The following ARMC2 variants were observed in gnomAD, a reference collection of about 807,000 sequenced individuals.
ARMC2 encodes the protein armadillo repeat containing 2, also known as armadillo repeat-containing protein 2.
ARMC2 carries 67 observed loss-of-function variants against 90.3 expected under a neutral mutation model. The observed-to-expected ratio is 0.74, with a 90% CI of 0.61 to 0.91. ARMC2 has a LOEUF of 0.91. Ranked by LOEUF, ARMC2 falls within the 40% of genes least tolerant of loss-of-function variation. The pLI is 0.00. For synonymous variants in ARMC2, 393 were observed against 393.0 expected (o/e 1.00, Z 0.00); for missense variants, 920 against 1,030.9 (o/e 0.89, Z 1.47).
At chr6:108,895,157 A>G (rs1029977644) in intron 6 of ARMC2, among the ~76,000 whole-genome samples, 1 of 151,124 alleles carries the variant, frequency 6.6e-6, no homozygotes, top group Non-Finnish European at 1.5e-5. Context: ...CTTGGGTTCA[A>G]AGCTTGAGTT....
intron 5 of ARMC2, among the ~76,000 whole-genome samples, chr6:108,885,588 C>T (rs9384692): frequency 0.033 from 4,933 of 151,558 alleles, 217 homozygotes; most frequent in East Asian, 0.2. Flanking sequence ...GCAGGAGAAT[C>T]GCTTGAACCC....
intron 8 of ARMC2, chr6:108,907,859 A>G (rs1338930827): frequency 2.5e-6 from 4 of 1,610,924 alleles, no homozygotes; most frequent in Admixed American, 1.7e-5. Flanking sequence ...CTTCACTGGT[A>G]CAACTGACGC....
chr6:109,019,993 T>C, the ARMC2 span, among the ~76,000 whole-genome samples: 1 of 152,134 alleles, frequency 6.6e-6, no homozygotes, highest in Non-Finnish European at 1.5e-5. Flanking sequence ...CAGAAAAAAG[T>C]ATGTGGATCA....
At chr6:108,855,570 G>A (rs1311466038) in intron 2 of ARMC2, among the ~76,000 whole-genome samples, 1 of 152,186 alleles carries the variant, frequency 6.6e-6, no homozygotes. Flanking sequence ...ACTCCTTTGG[G>A]TAAACACCAA....
chr6:108,855,317 C>G (rs903555217), intron 2 of ARMC2, among the ~76,000 whole-genome samples: 1 of 149,900 alleles, frequency 6.7e-6, no homozygotes, highest in African/African-American at 2.5e-5. Context: ...GGCACGATCT[C>G]AGCTCACTGC....
chr6:108,882,516 G>T (rs1275595763), intron 5 of ARMC2, among the ~76,000 whole-genome samples: 1 of 151,548 alleles, frequency 6.6e-6, no homozygotes, highest in East Asian at 1.9e-4. Context: ...CCCATATAAG[G>T]AGATGAAAAA....
chr6:108,971,527 C>T lies in ARMC2; in HGVS notation c.2447-1830C>T, dbSNP rs75571922. On this transcript the variant is annotated intron_variant, in intron 17 of 17. Transcript: ENST00000392644. ...GGTGGTGACACTAACACCCATAGTG[C>T]CAAAGTACACAGTGAATGTACACAA... Among the ~76,000 whole-genome samples the T allele has an allele frequency of 7.9e-3, 1,199 of 152,130 alleles. 17 individuals carry two copies. The highest frequency in any genetic ancestry group is 0.048 in the South Asian group (232 of 4,822).
At chr6:109,002,665 C>A in the ARMC2 span, among the ~76,000 whole-genome samples, 2 of 152,244 alleles carry the variant, frequency 1.3e-5, no homozygotes, top group Admixed American at 1.3e-4. Context: ...AAAATAAGAC[C>A]AGTGTGTTTG....
chr6:108,858,213 G>A lies in ARMC2; in HGVS notation c.233G>A (p.Ser78Asn). ...PPSSFSLHAS[S>N]FESSDSRPIS... ...TTTTATGCTAGCCTCCATGCATCCAGTTTTGAGTCATCTGATTCCAGGCCT... is the reference window on the plus strand; with the variant it reads ...TTTTATGCTAGCCTCCATGCATCCAATTTTGAGTCATCTGATTCCAGGCCT... The change falls in exon 3 of 18, where the codon AGT (serine) becomes AAT (asparagine). Residue 78 changes from serine (S) to asparagine (N), a missense_variant. Coordinates refer to ENST00000392644, the MANE Select transcript of ARMC2 (RefSeq NM_032131.6). 1 of 1,610,646 alleles carries A rather than the reference G, an allele frequency of 6.2e-7. No homozygotes were observed. The highest frequency in any genetic ancestry group is 8.5e-7 in the Non-Finnish European group (1 of 1,177,560).
the ARMC2 span, among the ~76,000 whole-genome samples, chr6:108,985,199 C>G: frequency 2.0e-5 from 3 of 152,108 alleles, no homozygotes; most frequent in Admixed American, 2.0e-4. Flanking sequence ...ATCTACTTAT[C>G]TCCTGGTGGT....
At chr6:108,978,463 T>C (rs1779026951), downstream of ARMC2, among the ~76,000 whole-genome samples, 2 of 152,216 alleles carry the variant, frequency 1.3e-5, no homozygotes, top group Admixed American at 6.5e-5. Context: ...GAGAAGAATG[T>C]ATATTCTGTT....
the ARMC2 span, among the ~76,000 whole-genome samples, chr6:108,991,079 C>CA: frequency 2.4e-5 from 3 of 126,966 alleles, no homozygotes; most frequent in African/African-American, 5.1e-5. Flanking sequence ...AAAAAAACAA[C>CA]AACAAAAAAA....
At chr6:109,009,403 G>T in the ARMC2 span, 1 of 1,459,612 alleles carries the variant, frequency 6.9e-7, no homozygotes, top group South Asian at 1.3e-5. Flanking sequence ...CAGCCCAGCA[G>T]CCCCGAGACC....
At chr6:108,871,107 G>A (rs1489216176) in intron 4 of ARMC2, among the ~76,000 whole-genome samples, 1 of 152,188 alleles carries the variant, frequency 6.6e-6, no homozygotes, top group African/African-American at 2.4e-5. Flanking sequence ...GGAAGGAAAA[G>A]CGAGTGCAAT....
chr6:108,858,178 C>G, intron 2 of ARMC2, 21 bp from the exon 3 acceptor site: 1 of 1,591,950 alleles, frequency 6.3e-7, no homozygotes, highest in African/African-American at 1.3e-5. Flanking sequence ...AACTAACACT[C>G]TGCACCATCT....
chr6:108,874,469 G>T (rs1776743590), intron 4 of ARMC2, among the ~76,000 whole-genome samples: 1 of 152,230 alleles, frequency 6.6e-6, no homozygotes, highest in Non-Finnish European at 1.5e-5. Context: ...AACAGAATGT[G>T]TGCTTCATAA....
chr6:108,853,262 T>G (rs1016760931), intron 1 of ARMC2, among the ~76,000 whole-genome samples: 2 of 152,332 alleles, frequency 1.3e-5, no homozygotes, highest in African/African-American at 2.4e-5. Context: ...TCTGTTGTTA[T>G]GTAACAATGT....
intron 3 of ARMC2, among the ~76,000 whole-genome samples, chr6:108,866,822 C>T (rs1367565151): frequency 6.6e-6 from 1 of 151,536 alleles, no homozygotes; most frequent in African/African-American, 2.4e-5. Context: ...TTTTTTTGGT[C>T]TGGTTTATAA....
At chr6:108,863,590 A>G (rs970124217) in intron 3 of ARMC2, among the ~76,000 whole-genome samples, 20 of 152,286 alleles carry the variant, frequency 1.3e-4, no homozygotes, top group African/African-American at 4.3e-4. Flanking sequence ...CTTGCTTTGA[A>G]TTGTATAAAG....
Sources: allele counts gnomAD v4.1 joint callset (sites outside exome capture counted in the v4.1 genomes callset), GRCh38; gene constraint gnomAD v4.1.1; transcripts MANE v1.5; gene names NCBI Gene and HGNC (gene_info 2026-07-23, HGNC 2026-07-21).